The following ANKS1B variants were observed in gnomAD, a reference collection of about 807,000 sequenced individuals.
ANKS1B encodes ankyrin repeat and sterile alpha motif domain-containing protein 1B.
ANKS1B carries 36 observed loss-of-function variants against 148.3 expected under a neutral mutation model. That is an observed-to-expected ratio of 0.24 (90% CI 0.19 to 0.32). The LOEUF (loss-of-function observed/expected upper bound fraction) is 0.32, where lower values mean the gene tolerates loss of function less well. Ranked by LOEUF, ANKS1B falls within the 10% of genes least tolerant of loss-of-function variation. ANKS1B has a pLI of 1.00. For synonymous variants in ANKS1B, 542 were observed against 560.8 expected (o/e 0.97, Z 0.47); for missense variants, 1,157 against 1,542.6 (o/e 0.75, Z 4.19).
chr12:99,902,236 G>T (rs947782906), intron 1 of ANKS1B, among the ~76,000 whole-genome samples: 10 of 152,090 alleles, frequency 6.6e-5, no homozygotes, highest in Non-Finnish European at 1.3e-4. Flanking sequence ...TAAAAAGAAA[G>T]AATAAGCCAA....
intron 17 of ANKS1B, among the ~76,000 whole-genome samples, chr12:98,832,812 T>C (rs1181976241): frequency 6.6e-6 from 1 of 152,108 alleles, no homozygotes; most frequent in East Asian, 1.9e-4. Flanking sequence ...ACAAGCTTAG[T>C]GTTTGTGTTT....
intron 8 of ANKS1B, among the ~76,000 whole-genome samples, chr12:99,667,407 T>C (rs1258560038): frequency 6.7e-6 from 1 of 149,570 alleles, no homozygotes; most frequent in Non-Finnish European, 1.5e-5. Context: ...TTACTGATAG[T>C]TCCTCATGTA....
At chr12:98,977,859 G>A (rs2153224976) in intron 17 of ANKS1B, among the ~76,000 whole-genome samples, 1 of 152,174 alleles carries the variant, frequency 6.6e-6, no homozygotes, top group East Asian at 1.9e-4. Flanking sequence ...GCTTAAGAAA[G>A]AACTTGGTAA....
intron 12 of ANKS1B, among the ~76,000 whole-genome samples, chr12:99,385,981 G>A (rs1453678378): frequency 6.6e-6 from 1 of 152,100 alleles, no homozygotes; most frequent in Admixed American, 6.6e-5. Flanking sequence ...TTTCACATGT[G>A]CTTATGTGCT....
intron 4 of ANKS1B, among the ~76,000 whole-genome samples, chr12:99,802,927 A>T (rs566427000): frequency 2.8e-5 from 4 of 144,222 alleles, no homozygotes; most frequent in African/African-American, 1.0e-4. Flanking sequence ...AAAAAAAAAA[A>T]GTAAAATAAA....
intron 9 of ANKS1B, among the ~76,000 whole-genome samples, chr12:99,611,198 G>A (rs1036339659): frequency 1.3e-5 from 2 of 152,026 alleles, no homozygotes; most frequent in Non-Finnish European, 2.9e-5. Flanking sequence ...AGGCAATGTT[G>A]ATCTGGTATA....
intron 17 of ANKS1B, among the ~76,000 whole-genome samples, chr12:98,986,012 T>C (rs554183752): frequency 1.3e-5 from 2 of 152,264 alleles, no homozygotes; most frequent in South Asian, 4.1e-4. Flanking sequence ...GAATTCAGAG[T>C]TGACAGTTCT....
chr12:99,709,182 G>A (rs1030984006), intron 8 of ANKS1B, among the ~76,000 whole-genome samples: 6 of 152,156 alleles, frequency 3.9e-5, no homozygotes, highest in African/African-American at 1.2e-4. Context: ...ACGCAAGCTT[G>A]TGAGGGTCAG....
intron 1 of ANKS1B, among the ~76,000 whole-genome samples, chr12:99,922,372 G>C (rs768208299): frequency 6.6e-6 from 1 of 151,916 alleles, no homozygotes; most frequent in Non-Finnish European, 1.5e-5. Flanking sequence ...TTTTTTGCAA[G>C]ACTCAATAAA....
intron 4 of ANKS1B, among the ~76,000 whole-genome samples, chr12:99,783,268 T>C (rs2064568402): frequency 6.6e-6 from 1 of 151,922 alleles, no homozygotes; most frequent in Admixed American, 6.5e-5. Flanking sequence ...CATCATAGCC[T>C]AGACTAGCCT....
At chr12:99,220,356 T>C (rs1006642604) in intron 14 of ANKS1B, among the ~76,000 whole-genome samples, 1 of 151,630 alleles carries the variant, frequency 6.6e-6, no homozygotes, top group African/African-American at 2.4e-5. Context: ...TGAGTAAATA[T>C]GAATAAATTC....
intron 1 of ANKS1B, among the ~76,000 whole-genome samples, chr12:99,948,318 C>T (rs150484246): frequency 6.7e-6 from 1 of 149,358 alleles, no homozygotes; most frequent in Non-Finnish European, 1.5e-5. Flanking sequence ...AAAAGTATGC[C>T]ATCCTGGCCA....
At chr12:99,561,206 T>C (rs1296072646) in intron 9 of ANKS1B, among the ~76,000 whole-genome samples, 1 of 152,206 alleles carries the variant, frequency 6.6e-6, no homozygotes, top group African/African-American at 2.4e-5. Flanking sequence ...CTTTCTTTCA[T>C]GAACAATTCT....
In ANKS1B at chr12:99,855,797, C is replaced by T. The variant is rs12820495; in HGVS notation, c.135-30408G>A. On this transcript the variant is annotated intron_variant, in intron 1 of 26. Transcript: ENST00000683438. Reference sequence around the variant, plus strand: ...TGGAAATACATGGAAATTAAATAACCTGCTCCTGAATGATCATTGTGTCAA... The same window carrying T: ...TGGAAATACATGGAAATTAAATAACTTGCTCCTGAATGATCATTGTGTCAA... Among the ~76,000 whole-genome samples, 1,683 of 152,202 alleles carry T rather than the reference C, an allele frequency of 0.011. 82 individuals are homozygous for T. In the East Asian group the frequency reaches 0.14, roughly 13 times the overall value.
At position 99,656,205 on chromosome 12, in the gene ANKS1B, C is replaced by T. The variant is rs1017091777; in HGVS notation, c.1129-995G>A. 6.6e-5 allele frequency among the ~76,000 whole-genome samples: 10 copies of T among 152,074 alleles called. 1 individual carries two copies. Among genetic ancestry groups the T allele is most frequent in the African/African-American group, 2.4e-4 (10 of 41,404 alleles). On this transcript the variant is annotated intron_variant, in intron 8 of 26. Coordinates refer to ENST00000683438, the MANE Select transcript of ANKS1B (RefSeq NM_001352186.2). Reference sequence around the variant, plus strand: ...AGTAATGAAGATTCATAACCTACCCCGTGCCTTACCATATTTGCATTAGAC... The same window carrying T: ...AGTAATGAAGATTCATAACCTACCCTGTGCCTTACCATATTTGCATTAGAC...
intron 15 of ANKS1B, among the ~76,000 whole-genome samples, chr12:99,129,130 T>G (rs1230046672): frequency 6.6e-6 from 1 of 152,148 alleles, no homozygotes; most frequent in Non-Finnish European, 1.5e-5. Flanking sequence ...CAAGTAGCAT[T>G]CAGCAATGGC....
At chr12:99,575,018 A>T (rs2097501968) in intron 9 of ANKS1B, among the ~76,000 whole-genome samples, 1 of 152,224 alleles carries the variant, frequency 6.6e-6, no homozygotes, top group South Asian at 2.1e-4. Flanking sequence ...TACATACGAA[A>T]TACTACAGAA....
chr12:98,835,055 G>A (rs891295366), intron 17 of ANKS1B, among the ~76,000 whole-genome samples: 5 of 151,710 alleles, frequency 3.3e-5, no homozygotes, highest in African/African-American at 1.2e-4. Context: ...CCCCCTCCCT[G>A]AGTCCTGCTA....
chr12:98,737,336 C>T (rs1444041312), intron 9 of ANKS1B, among the ~76,000 whole-genome samples: 2 of 152,200 alleles, frequency 1.3e-5, no homozygotes, highest in East Asian at 1.9e-4. Context: ...TGTCCTCTCA[C>T]CGATTTTCTT....
Sources: gnomAD v4.1 joint callset for allele counts (sites outside exome capture counted in the v4.1 genomes callset) on GRCh38, gnomAD v4.1.1 for gene constraint, MANE v1.5 for transcripts, NCBI Gene and HGNC (gene_info 2026-07-23, HGNC 2026-07-21) for gene names.